Variants in CFDP1 observed in about 807,000 individuals in gnomAD.
The protein encoded by CFDP1 is chromatin remodeling protein CFDP1, also known as heterochromatin-stabilizing protein CFDP1.
A neutral mutation model predicts 40.1 loss-of-function variants in CFDP1; 31 were observed. The observed-to-expected ratio is 0.77, with a 90% CI of 0.58 to 1.04. The LOEUF (loss-of-function observed/expected upper bound fraction) is 1.04. Among genes scored for constraint, CFDP1 ranks in the 50% least tolerant of loss-of-function variants. The probability of loss-of-function intolerance (pLI) is 0.00; values close to 1 mark genes in which losing one functional copy is unlikely to be tolerated. For synonymous variants in CFDP1, 167 were observed against 120.0 expected (o/e 1.39, Z -2.56); for missense variants, 423 against 343.4 (o/e 1.23, Z -1.83).
chr16:75,303,566 C>T (rs2078238062), intron 6 of CFDP1, among the ~76,000 whole-genome samples: 1 of 141,522 alleles, frequency 7.1e-6, no homozygotes, highest in Admixed American at 7.3e-5. Context: ...CAGGGGTGTG[C>T]CCCTGTAGTC....
intron 5 of CFDP1, among the ~76,000 whole-genome samples, chr16:75,351,765 T>TG (rs149112379): frequency 5.2e-4 from 79 of 151,768 alleles, no homozygotes; most frequent in South Asian, 2.7e-3. Context: ...TCCAGCACTT[T>TG]GGGAGGCTGA....
chr16:75,433,286 C>T lies in CFDP1; in HGVS notation c.64+3G>A. 6.3e-7 allele frequency: 1 copy of T among 1,597,226 alleles called. No homozygotes were observed. Among genetic ancestry groups the T allele is most frequent in the Non-Finnish European group, 8.5e-7 (1 of 1,173,668 alleles). On this transcript the variant is annotated splice_donor_region_variant and intron_variant, in intron 1 of 6. Coordinates refer to ENST00000283882, the MANE Select transcript of CFDP1 (RefSeq NM_006324.3). ...GCTTCTCGCCTCAGGCGGAATCGCT[C>T]ACCCGACGGCACGTAGTCCTCGTCC...
rs187179111 is a variant in CFDP1, at chr16:75,386,025, G to A, written c.650+9065C>T. 5.3e-5 allele frequency among the ~76,000 whole-genome samples: 8 copies of A among 152,126 alleles called. No homozygotes were observed. In the East Asian group the frequency reaches 1.4e-3, roughly 26 times the overall value. ...GGCACAACCAAGGGTATAGGAATAC[G>A]GCAAAATAAAGTTTTAAAAGTCTGT... On this transcript the variant is annotated intron_variant, in intron 5 of 6. Transcript: ENST00000283882.
intron 4 of CFDP1, among the ~76,000 whole-genome samples, chr16:75,403,714 G>A (rs1401277541): frequency 6.6e-6 from 1 of 152,138 alleles, no homozygotes; most frequent in Non-Finnish European, 1.5e-5. Context: ...TATTTTTATA[G>A]GACTTTCAAA....
chr16:75,299,041 C>T (rs1249532666), intron 6 of CFDP1, among the ~76,000 whole-genome samples: 2 of 152,178 alleles, frequency 1.3e-5, no homozygotes, highest in Non-Finnish European at 2.9e-5. Flanking sequence ...CGCCTTAGCA[C>T]TGCTAGATGC....
At chr16:75,346,658 GT>G (rs1462295473) in intron 5 of CFDP1, among the ~76,000 whole-genome samples, 1 of 131,520 alleles carries the variant, frequency 7.6e-6, no homozygotes, top group Admixed American at 8.0e-5. Context: ...AATAAACTAA[GT>G]TTTATATAAT....
intron 1 of CFDP1, among the ~76,000 whole-genome samples, chr16:75,431,479 A>T (rs2079416607): frequency 8.7e-6 from 1 of 115,476 alleles, no homozygotes; most frequent in Non-Finnish European, 1.9e-5. Context: ...AAAAAAAAAG[A>T]AAAGAAAAGA....
At chr16:75,416,353 G>A (rs996609380) in intron 1 of CFDP1, among the ~76,000 whole-genome samples, 4 of 151,158 alleles carry the variant, frequency 2.6e-5, no homozygotes, top group African/African-American at 9.7e-5. Context: ...TCCTGAAAGA[G>A]GTAAGAGAAA....
At chr16:75,330,225 G>GTTA (rs1567647569) in intron 5 of CFDP1, among the ~76,000 whole-genome samples, 1 of 152,168 alleles carries the variant, frequency 6.6e-6, no homozygotes, top group Non-Finnish European at 1.5e-5. Flanking sequence ...AACTGAAATG[G>GTTA]GCAAGGCTGT....
At chr16:75,393,679 C>T (rs1430169869) in intron 5 of CFDP1, among the ~76,000 whole-genome samples, 5 of 132,824 alleles carry the variant, frequency 3.8e-5, no homozygotes, top group Admixed American at 9.0e-5. Context: ...TGCAGTGAGC[C>T]GAGATTGCGC....
chr16:75,323,624 T>C (rs1469487862), intron 5 of CFDP1, among the ~76,000 whole-genome samples: 1 of 151,676 alleles, frequency 6.6e-6, no homozygotes, highest in East Asian at 1.9e-4. Context: ...CTACTGAAAA[T>C]ACAAATTTGC....
chr16:75,384,081 G>A (rs1300497364), intron 5 of CFDP1, among the ~76,000 whole-genome samples: 1 of 152,046 alleles, frequency 6.6e-6, no homozygotes, highest in Non-Finnish European at 1.5e-5. Flanking sequence ...GAAAAATTTT[G>A]GCTGGGCGCA....
At chr16:75,422,524 A>T (rs1201137500) in intron 1 of CFDP1, among the ~76,000 whole-genome samples, 3 of 150,844 alleles carry the variant, frequency 2.0e-5, no homozygotes, top group African/African-American at 7.4e-5. Context: ...CCTCACGAAT[A>T]CCTGAGACTA....
chr16:75,295,287 T>C (rs2078174551), intron 6 of CFDP1, among the ~76,000 whole-genome samples: 1 of 152,174 alleles, frequency 6.6e-6, no homozygotes, highest in Non-Finnish European at 1.5e-5. Context: ...TGGCCAGAAA[T>C]GTACAGGCTC....
chr16:75,382,775 T>G (rs1207091724), intron 5 of CFDP1, among the ~76,000 whole-genome samples: 4 of 152,072 alleles, frequency 2.6e-5, no homozygotes, highest in Non-Finnish European at 5.9e-5. Flanking sequence ...TGGATCTTCC[T>G]AATTCTCACC....
Position 75,416,585 on chromosome 16 carries a change from C to T in CFDP1, c.65-1890G>A, listed in dbSNP as rs2079208448. On this transcript the variant is annotated intron_variant, in intron 1 of 6. Transcript: ENST00000283882. ...AGACCAGCCTGGGCAACTGTGAAAC[C>T]CTGTCTCTACAAAAAAATACAAAAA... Among the ~76,000 whole-genome samples, 3 of 151,814 alleles carry T rather than the reference C, an allele frequency of 2.0e-5. No individual in the cohort carries two copies. The South Asian group carries it at 6.2e-4, about 32-fold the overall frequency.
chr16:75,319,799 A>G (rs1339159152), intron 5 of CFDP1, among the ~76,000 whole-genome samples: 1 of 152,136 alleles, frequency 6.6e-6, no homozygotes, highest in Non-Finnish European at 1.5e-5. Context: ...TTAGGAAGCA[A>G]TCATCTATAC....
intron 1 of CFDP1, among the ~76,000 whole-genome samples, chr16:75,432,691 T>G (rs888328437): frequency 6.6e-6 from 1 of 152,224 alleles, no homozygotes; most frequent in Non-Finnish European, 1.5e-5. Context: ...ACGAGACGGT[T>G]TGTCTGGGGA....
chr16:75,418,788 A>C (rs917897544), intron 1 of CFDP1, among the ~76,000 whole-genome samples: 3 of 151,704 alleles, frequency 2.0e-5, no homozygotes, highest in Non-Finnish European at 4.4e-5. Flanking sequence ...GCACAAGGTA[A>C]AACCAGGACA....
Sources: allele counts gnomAD v4.1 joint callset (sites outside exome capture counted in the v4.1 genomes callset), GRCh38; gene constraint gnomAD v4.1.1; transcripts MANE v1.5; gene names NCBI Gene and HGNC (gene_info 2026-07-23, HGNC 2026-07-21).